The following BRCA1 variants were observed in gnomAD, a reference collection of about 807,000 sequenced individuals.
BRCA1 encodes the protein breast cancer type 1 susceptibility protein.
A neutral mutation model predicts 173.7 loss-of-function variants in BRCA1; 140 were observed. That is an observed-to-expected ratio of 0.81 (90% CI 0.70 to 0.93). The LOEUF (loss-of-function observed/expected upper bound fraction) is 0.93, where lower values mean the gene tolerates loss of function less well. Among genes scored for constraint, BRCA1 ranks in the 40% least tolerant of loss-of-function variants. The probability of loss-of-function intolerance (pLI) is 0.00; values close to 1 mark genes in which losing one functional copy is unlikely to be tolerated. For missense variants in BRCA1, 1,983 were observed against 2,172.5 expected, an observed-to-expected ratio of 0.91 and a Z score of 1.73; for synonymous variants, 662 against 756.0, an observed-to-expected ratio of 0.88 and a Z score of 2.04.
At chr17:43,097,166 A>C in intron 8 of BRCA1, 78 bp downstream of exon 8, 1 of 1,393,074 alleles carries the variant, frequency 7.2e-7, no homozygotes, top group Non-Finnish European at 1.0e-6. Context: ...TATTTTTAAA[A>C]AGAGAGAAAC....
At chr17:43,115,331 A>C (rs552946046) in intron 3 of BRCA1, among the ~76,000 whole-genome samples, 2 of 152,134 alleles carry the variant, frequency 1.3e-5, no homozygotes, top group South Asian at 2.1e-4. Flanking sequence ...GTGAAACCTT[A>C]TCTCTACTAA....
intron 2 of BRCA1, among the ~76,000 whole-genome samples, chr17:43,123,343 A>C (rs2055673918): frequency 6.8e-6 from 1 of 146,362 alleles, no homozygotes; most frequent in South Asian, 2.1e-4. Flanking sequence ...GACACCGATC[A>C]TCCATGTTTT....
At chr17:43,064,639 A>AAGCAGCAGC (rs796218625) in intron 16 of BRCA1, among the ~76,000 whole-genome samples, 1 of 152,064 alleles carries the variant, frequency 6.6e-6, no homozygotes, top group Non-Finnish European at 1.5e-5. Flanking sequence ...GGCTATCTGC[A>AAGCAGCAGC]AGCAGCAGCA....
intron 14 of BRCA1, among the ~76,000 whole-genome samples, chr17:43,071,730 A>ATAAGCCACCAAGC (rs2052452848): frequency 8.5e-5 from 13 of 152,136 alleles, no homozygotes; most frequent in African/African-American, 2.9e-4. Flanking sequence ...TGGGCCGAGC[A>ATAAGCCACCAAGC]CGGTGGCTCA....
chr17:43,115,615 G>T, intron 3 of BRCA1, 111 bp downstream of exon 3: 2 of 1,067,866 alleles, frequency 1.9e-6, no homozygotes, highest in Non-Finnish European at 2.8e-6. Context: ...TGGATTTTTC[G>T]TTCTCACTTA....
rs993908386 is a variant in BRCA1, at chr17:43,049,270, C to T, written c.5333-76G>A. 3.5e-5 allele frequency: 46 copies of T among 1,313,704 alleles called. No individual in the cohort carries two copies. The highest frequency in any genetic ancestry group is 2.8e-4 in the Admixed American group (16 of 57,774). 81.4% of individuals were successfully genotyped at this position (1,313,704 alleles called of 1,614,324 possible). A position where few individuals can be genotyped will look rare whatever the true frequency, so the allele number is the denominator to read the frequency against. On this transcript the variant is annotated intron_variant, in intron 20 of 22. Coordinates refer to ENST00000357654, the MANE Select transcript of BRCA1 (RefSeq NM_007294.4). Reference sequence around the variant, plus strand: ...CCCAGGCCCTCTACCCTACACTCTCCGGATGAAGGCTTATAGCAAGACCTC... The same window carrying T: ...CCCAGGCCCTCTACCCTACACTCTCTGGATGAAGGCTTATAGCAAGACCTC...
chr17:43,085,284 C>A (rs750116574), intron 11 of BRCA1, among the ~76,000 whole-genome samples: 2 of 152,046 alleles, frequency 1.3e-5, no homozygotes, highest in Admixed American at 6.6e-5. Flanking sequence ...TCACTTGAAC[C>A]CAGGTGGCGG....
intron 7 of BRCA1, among the ~76,000 whole-genome samples, chr17:43,098,449 C>T (rs1471236973): frequency 6.6e-6 from 1 of 151,992 alleles, no homozygotes; most frequent in Non-Finnish European, 1.5e-5. Flanking sequence ...ACCTCCGCCT[C>T]CCTGGTTCAA....
intron 2 of BRCA1, among the ~76,000 whole-genome samples, chr17:43,118,688 C>T (rs111720047): frequency 3.2e-4 from 48 of 151,964 alleles, no homozygotes; most frequent in African/African-American, 1.1e-3. Context: ...CTTCCTGCTT[C>T]GGCTTCCCAA....
In BRCA1 at chr17:43,093,411, C is replaced by T. The variant is rs80357192; in HGVS notation, c.2120G>A (p.Gly707Asp). The change falls in exon 10 of 23, where the codon GGT (glycine) becomes GAT (aspartate). Residue 707 changes from glycine to aspartate, a missense_variant. Gly to Asp is a moderately conservative substitution (Grantham distance 94, BLOSUM62 -1). Coordinates refer to ENST00000357654, the MANE Select transcript of BRCA1 (RefSeq NM_007294.4). ...GGTATTTGAACACTTAGTAAAAGAA[C>T]CAGGTGCATTTGTTAACTTCAGCTC... The part of the protein sequence containing the change: ...FPELKLTNAP[G>D]SFTKCSNTSE... 3.7e-6 allele frequency: 6 copies of T among 1,614,040 alleles called. No homozygotes were observed. The African/African-American group carries it at 6.7e-5, about 18-fold the overall frequency.
intron 22 of BRCA1, among the ~76,000 whole-genome samples, chr17:43,047,320 G>A (rs1405068979): frequency 2.0e-5 from 3 of 151,112 alleles, no homozygotes; most frequent in Middle Eastern, 3.2e-3. Flanking sequence ...GGCTGGTCTC[G>A]AACTTCTAGG....
intron 20 of BRCA1, 37 bp from the exon 21 acceptor site, chr17:43,049,231 A>C (rs2152962868): frequency 6.3e-7 from 1 of 1,582,928 alleles, no homozygotes; most frequent in Non-Finnish European, 8.7e-7. Context: ...CACTGCAGTA[A>C]TCTGCATACT....
chr17:43,130,248 T>A (rs1180463097), upstream of BRCA1, among the ~76,000 whole-genome samples: 1 of 152,126 alleles, frequency 6.6e-6, no homozygotes, highest in Non-Finnish European at 1.5e-5. Flanking sequence ...ACTCCTAGGT[T>A]CACGATCCTT....
At chr17:43,057,660 C>A (rs1423954892) in intron 18 of BRCA1, among the ~76,000 whole-genome samples, 1 of 151,640 alleles carries the variant, frequency 6.6e-6, no homozygotes, top group Non-Finnish European at 1.5e-5. Flanking sequence ...ACGGTGAAAC[C>A]CCGTCTCTAC....
chr17:43,142,820 C>T (rs1445041372), intron 1 of BRCA1, among the ~76,000 whole-genome samples: 2 of 151,920 alleles, frequency 1.3e-5, no homozygotes, highest in Non-Finnish European at 2.9e-5. Context: ...CTTGGCTCAC[C>T]ACAACCTCCA....
In BRCA1 at chr17:43,093,139, G is replaced by C. The variant is rs398122658; in HGVS notation, c.2392C>G (p.Pro798Ala). The C allele has an allele frequency of 1.2e-6, 2 of 1,613,478 alleles. No homozygotes were observed. Among genetic ancestry groups the C allele is most frequent in the Non-Finnish European group, 1.7e-6 (2 of 1,179,836 alleles). ...GCACACTGACTCACACATTTATTTG[G>C]TTCTGTTTTTGCCTTCCCTAGAGTG... The part of the protein sequence containing the change: ...VSTLGKAKTE[P>A]NKCVSQCAAF... Residue 798 changes from proline (P) to alanine (A), a missense_variant, in exon 10 of 23, where the codon CCA (proline) becomes GCA (alanine). Transcript: ENST00000357654.
chr17:43,065,859 G>T (rs893136990), intron 16 of BRCA1, among the ~76,000 whole-genome samples: 1 of 152,032 alleles, frequency 6.6e-6, no homozygotes, highest in Non-Finnish European at 1.5e-5. Context: ...TTCTCTTCCG[G>T]GTAACGGTTC....
At chr17:43,084,393 TG>T (rs2053148730) in intron 11 of BRCA1, among the ~76,000 whole-genome samples, 1 of 151,846 alleles carries the variant, frequency 6.6e-6, no homozygotes, top group Non-Finnish European at 1.5e-5. Flanking sequence ...CTTGAACTCC[TG>T]ACCTCAGGTG....
rs28897680 is a variant in BRCA1, at chr17:43,093,471, T to G, written c.2060A>C (p.Gln687Pro). The G allele has an allele frequency of 5.1e-5, 82 of 1,614,138 alleles. No individual in the cohort carries two copies. Among genetic ancestry groups the G allele is most frequent in the Non-Finnish European group, 6.6e-5 (78 of 1,180,006 alleles). Reference protein sequence around the residue: ...GAKKSNKPNEQTSKRHDSDTF... With the variant: ...GAKKSNKPNEPTSKRHDSDTF... The stretch of plus-strand genomic sequence containing the variant: ...ATCGCTGTCATGTCTTTTACTTGTC[T>G]GTTCATTTGGCTTGTTACTCTTCTT... The change falls in exon 10 of 23, where the codon CAG becomes CCG. Residue 687 changes from glutamine to proline, a missense_variant. Physicochemically the swap from Gln to Pro is moderately conservative, Grantham distance 76. Coordinates refer to ENST00000357654, the MANE Select transcript of BRCA1 (RefSeq NM_007294.4).
Sources: gnomAD v4.1 joint callset for allele counts (sites outside exome capture counted in the v4.1 genomes callset) on GRCh38, gnomAD v4.1.1 for gene constraint, MANE v1.5 for transcripts, NCBI Gene and HGNC (gene_info 2026-07-23, HGNC 2026-07-21) for gene names.